FHIT: variants seen among roughly 807,000 people sequenced by gnomAD.
FHIT encodes fragile histidine triad diadenosine triphosphatase, also known as bis(5'-adenosyl)-triphosphatase.
In FHIT, 19 loss-of-function variants were observed where a neutral mutation model predicts 17.9. The observed-to-expected ratio is 1.06, with a 90% confidence interval of 0.74 to 1.56. The LOEUF (loss-of-function observed/expected upper bound fraction) is 1.56. Among genes scored for constraint, FHIT ranks in the 40% most tolerant of loss-of-function variants. The pLI, the probability that FHIT is intolerant of heterozygous loss-of-function variation, is 0.00. For synonymous variants in FHIT, 81 were observed against 69.7 expected (o/e 1.16, Z -0.81); for missense variants, 248 against 189.2 (o/e 1.31, Z -1.82).
intron 5 of FHIT, among the ~76,000 whole-genome samples, chr3:60,053,958 T>A (rs1701984660): frequency 6.6e-6 from 1 of 152,180 alleles, no homozygotes; most frequent in African/African-American, 2.4e-5. Context: ...AGAGTATGCT[T>A]CAAATGTAAA....
At chr3:60,361,739 A>G (rs1699914271) in intron 5 of FHIT, among the ~76,000 whole-genome samples, 2 of 152,316 alleles carry the variant, frequency 1.3e-5, no homozygotes, top group Middle Eastern at 3.4e-3. Flanking sequence ...CAGTGAACAC[A>G]GAACTTAGAC....
chr3:59,816,380 A>G (rs1261964009), intron 8 of FHIT, among the ~76,000 whole-genome samples: 2 of 152,182 alleles, frequency 1.3e-5, no homozygotes, highest in Non-Finnish European at 2.9e-5. Flanking sequence ...AAACAATAAT[A>G]ACAACAATCA....
chr3:60,884,085 A>G (rs1705100218), intron 3 of FHIT, among the ~76,000 whole-genome samples: 1 of 152,190 alleles, frequency 6.6e-6, no homozygotes. Context: ...AAGGAGACAT[A>G]CAAATGGACA....
At chr3:60,227,070 T>A (rs1457972163) in intron 5 of FHIT, among the ~76,000 whole-genome samples, 1 of 152,136 alleles carries the variant, frequency 6.6e-6, no homozygotes, top group African/African-American at 2.4e-5. Context: ...TCTCCCCATT[T>A]GTATAATGGA....
At chr3:60,926,445 C>CCT (rs1707619552) in intron 3 of FHIT, among the ~76,000 whole-genome samples, 1 of 152,198 alleles carries the variant, frequency 6.6e-6, no homozygotes, top group Non-Finnish European at 1.5e-5. Flanking sequence ...ACAACCTGCT[C>CCT]CTGAATGACT....
At chr3:60,627,326 A>AC (rs2039316609) in intron 4 of FHIT, among the ~76,000 whole-genome samples, 2 of 152,162 alleles carry the variant, frequency 1.3e-5, no homozygotes, top group Non-Finnish European at 2.9e-5. Flanking sequence ...ATTATAAAAA[A>AC]TATATATTCA....
At chr3:60,263,639 C>G (rs1482701118) in intron 5 of FHIT, among the ~76,000 whole-genome samples, 4 of 151,896 alleles carry the variant, frequency 2.6e-5, no homozygotes, top group Admixed American at 2.0e-4. Flanking sequence ...CATCACAAAG[C>G]AGATCAGTGG....
Position 60,922,374 on chromosome 3 carries a change from C to T in FHIT, c.-110-100363G>A, listed in dbSNP as rs1707331033. Among the ~76,000 whole-genome samples, 3 of 152,140 alleles carry T rather than the reference C, an allele frequency of 2.0e-5. No individual in the cohort carries two copies. In the South Asian group the frequency reaches 6.2e-4, roughly 32 times the overall value. On this transcript the variant is annotated intron_variant, in intron 3 of 9. Transcript: ENST00000492590. ...CCATGAAAAAGAAATAAAAATGCATCCTGGGTGCTTGGCAAATCAGCCCAG... is the reference window on the plus strand; with the variant it reads ...CCATGAAAAAGAAATAAAAATGCATTCTGGGTGCTTGGCAAATCAGCCCAG...
intron 4 of FHIT, among the ~76,000 whole-genome samples, chr3:60,799,509 AAT>A (rs1701110168): frequency 6.7e-6 from 1 of 150,048 alleles, no homozygotes; most frequent in Non-Finnish European, 1.5e-5. Flanking sequence ...TGCCCTCTAA[AAT>A]CTTGTTCTTC....
At chr3:61,155,327 G>T (rs947871861) in intron 2 of FHIT, among the ~76,000 whole-genome samples, 3 of 152,132 alleles carry the variant, frequency 2.0e-5, no homozygotes, top group African/African-American at 7.2e-5. Flanking sequence ...AAAAACAGAT[G>T]CTAAATAATA....
intron 2 of FHIT, among the ~76,000 whole-genome samples, chr3:61,047,317 A>G (rs2033839600): frequency 3.3e-5 from 5 of 152,204 alleles, no homozygotes; most frequent in Admixed American, 3.3e-4. Context: ...AAAAATCACA[A>G]GCATTCCTAT....
chr3:61,022,892 C>T lies in FHIT; in HGVS notation c.-111+19155G>A, dbSNP rs576898783. Among the ~76,000 whole-genome samples, 414 of 152,214 alleles carry T rather than the reference C, an allele frequency of 2.7e-3. 3 individuals are homozygous for T. Among genetic ancestry groups the T allele is most frequent in the African/African-American group, 9.6e-3 (399 of 41,528 alleles). On this transcript the variant is annotated intron_variant, in intron 3 of 9. Transcript: ENST00000492590. ...GACAAACCTACAGCCAATATCCCAC[C>T]AAATGAGCAAAAGCTGGAAGCATTC...
chr3:59,773,169 C>G (rs568859295), intron 8 of FHIT, among the ~76,000 whole-genome samples: 1 of 152,314 alleles, frequency 6.6e-6, no homozygotes, highest in Non-Finnish European at 1.5e-5. Context: ...CATTCTCACA[C>G]AGTCAAAGCA....
chr3:60,086,625 G>A (rs1481145669), intron 5 of FHIT, among the ~76,000 whole-genome samples: 3 of 152,176 alleles, frequency 2.0e-5, no homozygotes, highest in Non-Finnish European at 4.4e-5. Context: ...CCAAAAGAAA[G>A]AGAAAACAGG....
At chr3:61,152,198 GC>G (rs1476202785) in intron 2 of FHIT, among the ~76,000 whole-genome samples, 1 of 152,140 alleles carries the variant, frequency 6.6e-6, no homozygotes, top group Non-Finnish European at 1.5e-5. Flanking sequence ...GTAAGAGTTA[GC>G]TAAGTGAAGG....
intron 5 of FHIT, among the ~76,000 whole-genome samples, chr3:60,311,250 C>CGTGT (rs10621849): frequency 6.0e-5 from 9 of 150,926 alleles, no homozygotes; most frequent in South Asian, 2.1e-4. Flanking sequence ...TCTACCCCAA[C>CGTGT]GTGTGTGTGT....
chr3:60,518,634 C>T (rs1486430873), intron 5 of FHIT, among the ~76,000 whole-genome samples: 1 of 152,186 alleles, frequency 6.6e-6, no homozygotes, highest in Non-Finnish European at 1.5e-5. Flanking sequence ...ATATTTGTTA[C>T]ACATATGTCG....
intron 4 of FHIT, among the ~76,000 whole-genome samples, chr3:60,643,333 C>A (rs1312620023): frequency 1.3e-5 from 2 of 151,916 alleles, no homozygotes; most frequent in Non-Finnish European, 2.9e-5. Context: ...TTTCCAAGAG[C>A]AACCTACAGA....
intron 7 of FHIT, among the ~76,000 whole-genome samples, chr3:59,953,600 T>C (rs1368362077): frequency 6.6e-6 from 1 of 152,126 alleles, no homozygotes; most frequent in African/African-American, 2.4e-5. Context: ...ATCTCCAACA[T>C]ATACAATGAA....
Sources: allele counts gnomAD v4.1 joint callset (sites outside exome capture counted in the v4.1 genomes callset), GRCh38; gene constraint gnomAD v4.1.1; transcripts MANE v1.5; gene names NCBI Gene and HGNC (gene_info 2026-07-23, HGNC 2026-07-21).